Variants in SCN8A observed in about 807,000 individuals in gnomAD.
SCN8A encodes sodium voltage-gated channel alpha subunit 8.
SCN8A carries 30 observed loss-of-function variants against 184.1 expected under a neutral mutation model. The ratio of observed to expected loss-of-function variants is 0.16; its 90% CI spans 0.12 to 0.22. SCN8A has a LOEUF of 0.22. Among genes scored for constraint, SCN8A ranks in the 10% least tolerant of loss-of-function variants. The pLI is 1.00. For missense variants in SCN8A, 1,057 were observed against 2,498.9 expected (o/e 0.42, Z 12.30); for synonymous variants, 852 against 907.0 (o/e 0.94, Z 1.09).
intron 9 of SCN8A, among the ~76,000 whole-genome samples, chr12:51,705,214 G>A (rs1941762452): frequency 6.6e-6 from 1 of 152,182 alleles, no homozygotes; most frequent in Non-Finnish European, 1.5e-5. Flanking sequence ...GATAACTACT[G>A]CCATTTAATA....
chr12:51,649,225 G>A (rs2138648012), intron 1 of SCN8A, among the ~76,000 whole-genome samples: 1 of 152,304 alleles, frequency 6.6e-6, no homozygotes, highest in South Asian at 2.1e-4. Flanking sequence ...GTTTTGCAGG[G>A]TACAGCCTTC....
At chr12:51,780,347 T>C in intron 20 of SCN8A, 1 of 348,852 alleles carries the variant, frequency 2.9e-6, no homozygotes, top group Admixed American at 3.9e-5. Context: ...CCTGTCAGCC[T>C]CTCCCCTTTT....
chr12:51,613,919 T>C (rs553245158), intron 1 of SCN8A, among the ~76,000 whole-genome samples: 1 of 152,274 alleles, frequency 6.6e-6, no homozygotes, highest in South Asian at 2.1e-4. Context: ...GCATACTTTG[T>C]ATTATTTCAA....
At chr12:51,804,331 T>G (rs1938633436) in intron 26 of SCN8A, among the ~76,000 whole-genome samples, 1 of 152,050 alleles carries the variant, frequency 6.6e-6, no homozygotes, top group East Asian at 1.9e-4. Flanking sequence ...TCTTTTCTTT[T>G]TTTTTTTTTT....
chr12:51,716,285 G>A (rs958784016), intron 11 of SCN8A, among the ~76,000 whole-genome samples: 5 of 152,230 alleles, frequency 3.3e-5, no homozygotes, highest in African/African-American at 1.2e-4. Context: ...AGCCCAGGAG[G>A]TTGAGGCTGC....
chr12:51,723,384 T>G (rs1047237156), intron 12 of SCN8A, among the ~76,000 whole-genome samples: 9 of 152,060 alleles, frequency 5.9e-5, no homozygotes, highest in African/African-American at 2.2e-4. Context: ...CCCAGCTACT[T>G]GGGATGCTGA....
At chr12:51,745,816 C>T in intron 12 of SCN8A, 87 bp from the exon 13 acceptor site, 1 of 1,107,990 alleles carries the variant, frequency 9.0e-7, no homozygotes, top group Non-Finnish European at 1.2e-6. Flanking sequence ...ATGAAGATCA[C>T]ACACTGGACT....
intron 10 of SCN8A, among the ~76,000 whole-genome samples, chr12:51,705,959 G>T (rs1242903152): frequency 6.6e-6 from 1 of 152,140 alleles, no homozygotes; most frequent in African/African-American, 2.4e-5. Flanking sequence ...TAAGATTCCT[G>T]TGGTCATAAA....
intron 7 of SCN8A, among the ~76,000 whole-genome samples, chr12:51,700,048 C>T (rs1941658807): frequency 6.6e-6 from 1 of 152,024 alleles, no homozygotes; most frequent in South Asian, 2.1e-4. Context: ...TGCCTGTAAT[C>T]CCAGCTACTC....
intron 1 of SCN8A, among the ~76,000 whole-genome samples, chr12:51,660,115 G>C (rs1940897787): frequency 6.6e-6 from 1 of 152,160 alleles, no homozygotes; most frequent in Non-Finnish European, 1.5e-5. Flanking sequence ...AGGAAGAGGA[G>C]ACTGCAGCTG....
At chr12:51,661,369 C>A (rs1205342121) in intron 1 of SCN8A, among the ~76,000 whole-genome samples, 2 of 152,138 alleles carry the variant, frequency 1.3e-5, no homozygotes, top group Non-Finnish European at 2.9e-5. Context: ...CTCTTTAGCC[C>A]CCTGCTGTGA....
chr12:51,609,137 T>C (rs1592325687), intron 1 of SCN8A, among the ~76,000 whole-genome samples: 1 of 152,202 alleles, frequency 6.6e-6, no homozygotes, highest in African/African-American at 2.4e-5. Flanking sequence ...TTATTGAGAC[T>C]TGTTTTATGG....
intron 1 of SCN8A, among the ~76,000 whole-genome samples, chr12:51,622,909 C>T (rs566652851): frequency 6.6e-6 from 1 of 152,258 alleles, no homozygotes; most frequent in East Asian, 1.9e-4. Context: ...TAATTTGTAT[C>T]TCTATGGACT....
At chr12:51,626,772 G>T in intron 1 of SCN8A, among the ~76,000 whole-genome samples, 1 of 150,138 alleles carries the variant, frequency 6.7e-6, no homozygotes, top group African/African-American at 2.4e-5. Flanking sequence ...ATTGTTTTCT[G>T]GATTTTTAAA....
chr12:51,770,157 C>T, intron 18 of SCN8A, 172 bp downstream of exon 18: 1 of 619,048 alleles, frequency 1.6e-6, no homozygotes, highest in East Asian at 2.8e-5. Flanking sequence ...TTGTATCTGA[C>T]AAGTATATAA....
Position 51,810,613 on chromosome 12 carries a change from A to T in SCN8A, c.*3184A>T, listed in dbSNP as rs186145118. ...ATTTATACTCCACAATCCACCTTTT[A>T]AAAAAAGGACAAAAAGCAAAAAGAT... On this transcript the variant is annotated 3_prime_UTR_variant, in exon 27 of 27. Transcript: ENST00000627620. 12 of 153,924 alleles carry T rather than the reference A, an allele frequency of 7.8e-5. No homozygotes were observed. Among genetic ancestry groups the T allele is most frequent in the African/African-American group, 2.6e-4 (11 of 41,578 alleles). The allele number at this position is 153,924 out of a possible 1,614,324, so 9.5% of individuals were successfully genotyped here. A position where few individuals can be genotyped will look rare whatever the true frequency, so the allele number is the denominator to read the frequency against.
rs1938789714 is a variant in SCN8A, at chr12:51,808,566, C to T, written c.*1137C>T. On this transcript the variant is annotated 3_prime_UTR_variant, in exon 27 of 27. Transcript: ENST00000627620. Reference sequence around the variant, plus strand: ...ATATTTATGACGATCGTTTAGCCTTCATACTGGAGAATTGACACTTATTTG... The same window carrying T: ...ATATTTATGACGATCGTTTAGCCTTTATACTGGAGAATTGACACTTATTTG... 6.6e-6 allele frequency: 1 copy of T among 152,512 alleles called. No individual in the cohort carries two copies. The highest frequency in any genetic ancestry group is 6.5e-5 in the Admixed American group (1 of 15,280). The allele number at this position is 152,512 out of a possible 1,614,324, so 9.4% of individuals were successfully genotyped here. A position where few individuals can be genotyped will look rare whatever the true frequency, so the allele number is the denominator to read the frequency against.
intron 1 of SCN8A, among the ~76,000 whole-genome samples, chr12:51,661,092 A>T (rs1297518477): frequency 6.6e-6 from 1 of 152,156 alleles, no homozygotes; most frequent in Non-Finnish European, 1.5e-5. Flanking sequence ...ATAATGAAAG[A>T]AGTTCTGAGA....
intron 16 of SCN8A, chr12:51,766,243 CCCTTTT>C: frequency 1.7e-6 from 1 of 580,394 alleles, no homozygotes; most frequent in Non-Finnish European, 3.0e-6. Context: ...AACTTGTCAA[CCCTTTT>C]CCTAGAGTTA....
Sources: allele counts gnomAD v4.1 joint callset (sites outside exome capture counted in the v4.1 genomes callset), GRCh38; gene constraint gnomAD v4.1.1; transcripts MANE v1.5; gene names NCBI Gene and HGNC (gene_info 2026-07-23, HGNC 2026-07-21).